SMURF1: variants seen among roughly 807,000 people sequenced by gnomAD.
The protein encoded by SMURF1 is E3 ubiquitin-protein ligase SMURF1.
Under a neutral mutation model 98.0 loss-of-function variants are expected in SMURF1, and 44 were observed. The ratio of observed to expected loss-of-function variants is 0.45; its 90% CI spans 0.35 to 0.58. SMURF1 has a LOEUF of 0.58. Ranked by LOEUF, SMURF1 falls within the 20% of genes least tolerant of loss-of-function variation. The probability of loss-of-function intolerance (pLI) is 0.00; values close to 1 mark genes in which losing one functional copy is unlikely to be tolerated. For missense variants in SMURF1, 687 were observed against 938.4 expected (o/e 0.73, Z 3.50); for synonymous variants, 396 against 374.9 (o/e 1.06, Z -0.65).
chr7:99,060,302 C>G (rs1355857492), intron 3 of SMURF1, among the ~76,000 whole-genome samples: 1 of 150,834 alleles, frequency 6.6e-6, no homozygotes, highest in Admixed American at 6.6e-5. Flanking sequence ...TCACTTGTAC[C>G]CGGGAGGCGG....
chr7:99,137,689 T>C lies in SMURF1; in HGVS notation c.55+6037A>G, dbSNP rs143456399. Among the ~76,000 whole-genome samples, 152 of 152,360 alleles carry C rather than the reference T, an allele frequency of 1.0e-3. 1 individual carries two copies. Among genetic ancestry groups the C allele is most frequent in the African/African-American group, 3.6e-3 (150 of 41,584 alleles). Reference sequence around the variant, plus strand: ...CATTCCTCAGCCAATTAGAATTCCTTTCAGCTGCAGTGGAGGTGAACACAG... The same window carrying C: ...CATTCCTCAGCCAATTAGAATTCCTCTCAGCTGCAGTGGAGGTGAACACAG... On this transcript the variant is annotated intron_variant, in intron 1 of 17. Coordinates refer to ENST00000361368, the MANE Select transcript of SMURF1 (RefSeq NM_181349.3).
At chr7:99,063,716 G>GA (rs1427548776) in intron 1 of SMURF1, among the ~76,000 whole-genome samples, 5 of 150,930 alleles carry the variant, frequency 3.3e-5, no homozygotes, top group Non-Finnish European at 7.4e-5. Context: ...ATCCCAAAAA[G>GA]AAAGGCCATA....
In SMURF1 at chr7:99,059,403, AAAAT is replaced by A. The variant is rs1197859320; in HGVS notation, c.203+1192_203+1195del. On this transcript the variant is annotated intron_variant, in intron 3 of 17. Coordinates refer to ENST00000361368, the MANE Select transcript of SMURF1 (RefSeq NM_181349.3). ...ACAGAGCAAGACTCCATCTCAAAAA[AAAAT>A]AAAATAAAATAAAATAAAATAAAAT... is the stretch of plus-strand genomic sequence containing the variant. Among the ~76,000 whole-genome samples the A allele has an allele frequency of 1.8e-4, 3 of 16,800 alleles. No individual in the cohort carries two copies. The South Asian group carries it at 7.1e-3, about 40-fold the overall frequency. 11.0% of individuals were successfully genotyped at this position (16,800 alleles called of 152,430 possible).
At chr7:99,121,515 A>G (rs192980392) in intron 1 of SMURF1, among the ~76,000 whole-genome samples, 8 of 152,184 alleles carry the variant, frequency 5.3e-5, no homozygotes, top group Admixed American at 3.9e-4. Flanking sequence ...AGAGAGTGAT[A>G]TTTTCTCTGT....
chr7:99,061,731 T>TA (rs1437672999), intron 2 of SMURF1, 68 bp downstream of exon 2: 10 of 1,308,998 alleles, frequency 7.6e-6, no homozygotes, highest in Non-Finnish European at 4.3e-6. Context: ...CAATCTTTTT[T>TA]TAAAGTTTAA....
intron 11 of SMURF1, among the ~76,000 whole-genome samples, chr7:99,043,232 C>A (rs1483949458): frequency 6.6e-6 from 1 of 152,034 alleles, no homozygotes; most frequent in Non-Finnish European, 1.5e-5. Context: ...ACTAAACAGG[C>A]CAAAAAGAGA....
intron 1 of SMURF1, among the ~76,000 whole-genome samples, chr7:99,087,018 AAT>A (rs140360229): frequency 6.6e-6 from 1 of 152,302 alleles, no homozygotes; most frequent in East Asian, 1.9e-4. Flanking sequence ...ATATACGGAA[AAT>A]ACTAAATTAT....
At chr7:99,038,614 C>T in intron 13 of SMURF1, 89 bp from the exon 14 acceptor site, 1 of 1,500,602 alleles carries the variant, frequency 6.7e-7, no homozygotes, top group Non-Finnish European at 9.0e-7. Flanking sequence ...GACTGCCAAA[C>T]CCGGGGCTGC....
intron 1 of SMURF1, among the ~76,000 whole-genome samples, chr7:99,096,537 A>C (rs1028837419): frequency 1.3e-5 from 2 of 152,242 alleles, no homozygotes; most frequent in African/African-American, 4.8e-5. Context: ...TTAATATTCA[A>C]CTTCAGAGAA....
chr7:99,059,550 G>A (rs1264161030), intron 3 of SMURF1, among the ~76,000 whole-genome samples: 1 of 151,886 alleles, frequency 6.6e-6, no homozygotes, highest in Non-Finnish European at 1.5e-5. Flanking sequence ...ATTTTCTCTT[G>A]CAGAAAATAT....
intron 1 of SMURF1, among the ~76,000 whole-genome samples, chr7:99,080,473 A>T (rs2150567519): frequency 6.6e-6 from 1 of 152,178 alleles, no homozygotes; most frequent in Middle Eastern, 3.4e-3. Flanking sequence ...CTAACTTTGT[A>T]TTTTTAGTAG....
chr7:99,044,243 TG>T (rs1040925793), intron 11 of SMURF1, among the ~76,000 whole-genome samples: 6 of 151,250 alleles, frequency 4.0e-5, no homozygotes, highest in African/African-American at 1.5e-4. Context: ...ACCTGGGAGG[TG>T]GAGGTAGCAG....
chr7:99,058,059 A>AG (rs1393903825), intron 3 of SMURF1, among the ~76,000 whole-genome samples: 1 of 152,222 alleles, frequency 6.6e-6, no homozygotes, highest in Non-Finnish European at 1.5e-5. Flanking sequence ...TCCTTATGGA[A>AG]GGGGCAAATG....
chr7:99,101,306 A>G (rs1797074620), intron 1 of SMURF1, among the ~76,000 whole-genome samples: 1 of 152,170 alleles, frequency 6.6e-6, no homozygotes, highest in Non-Finnish European at 1.5e-5. Flanking sequence ...CAGGAGCTCG[A>G]GGCTGTAGTG....
intron 1 of SMURF1, among the ~76,000 whole-genome samples, chr7:99,087,112 A>G (rs1042591760): frequency 9.9e-5 from 15 of 152,184 alleles, no homozygotes; most frequent in African/African-American, 3.4e-4. Flanking sequence ...GCTCATGCCT[A>G]TAATCCCAAA....
At chr7:99,139,652 G>A (rs1798070611) in intron 1 of SMURF1, among the ~76,000 whole-genome samples, 1 of 152,156 alleles carries the variant, frequency 6.6e-6, no homozygotes, top group African/African-American at 2.4e-5. Context: ...TGATTTGCCA[G>A]TGAACTCCAA....
At chr7:99,078,271 C>A in intron 1 of SMURF1, among the ~76,000 whole-genome samples, 1 of 148,126 alleles carries the variant, frequency 6.8e-6, no homozygotes. Context: ...CAGTGCACTC[C>A]AGCCTGGGCG....
chr7:99,099,365 ATCTAACACAGGG>A (rs1194380279), intron 1 of SMURF1, among the ~76,000 whole-genome samples: 1 of 152,156 alleles, frequency 6.6e-6, no homozygotes. Context: ...ACTCCACAGT[ATCTAACACAGGG>A]TCTAACACAT....
intron 6 of SMURF1, among the ~76,000 whole-genome samples, chr7:99,053,795 C>T (rs1163141621): frequency 6.6e-6 from 1 of 152,130 alleles, no homozygotes; most frequent in Non-Finnish European, 1.5e-5. Flanking sequence ...TCATGGGGGA[C>T]TGCAAAATTG....
Sources: allele counts gnomAD v4.1 joint callset (sites outside exome capture counted in the v4.1 genomes callset), GRCh38; gene constraint gnomAD v4.1.1; transcripts MANE v1.5; gene names NCBI Gene and HGNC (gene_info 2026-07-23, HGNC 2026-07-21).